Variants in ZBTB7C observed in about 807,000 individuals in gnomAD.
ZBTB7C encodes zinc finger and BTB domain-containing protein 7C.
A neutral mutation model predicts 25.7 loss-of-function variants in ZBTB7C; 8 were observed. That is an observed-to-expected ratio of 0.31 (90% CI 0.18 to 0.56). The LOEUF (loss-of-function observed/expected upper bound fraction) is 0.56. Among genes scored for constraint, ZBTB7C ranks in the 20% least tolerant of loss-of-function variants. The pLI is 0.91. For synonymous variants in ZBTB7C, 394 were observed against 369.0 expected, an observed-to-expected ratio of 1.07 and a Z score of -0.78; for missense variants, 824 against 855.2, an observed-to-expected ratio of 0.96 and a Z score of 0.46.
In ZBTB7C at chr18:48,029,283, A is replaced by T. The variant is rs1433444792; in HGVS notation, c.1837T>A (p.Ser613Thr). ...PGLAGLNHVA[S>T]MSEANN ...GCCTAGTTGTTGGCTTCGGACATGG[A>T]GGCCACGTGGTTGAGGCCGGCGAGC... The change falls in exon 5 of 5, where the codon TCC (serine) becomes ACC (threonine). Residue 613 changes from serine to threonine, a missense_variant. Around this residue, in one of 4 missense-constraint regions of ZBTB7C, gnomAD observed 342 missense variants for 307.0 expected, o/e 1.11. Transcript: ENST00000590800. 6.5e-7 allele frequency: 1 copy of T among 1,537,770 alleles called. No individual in the cohort carries two copies.
chr18:48,306,387 A>G (rs1382993078), intron 2 of ZBTB7C, among the ~76,000 whole-genome samples: 3 of 152,196 alleles, frequency 2.0e-5, no homozygotes, highest in African/African-American at 7.2e-5. Context: ...TATACACAAC[A>G]TCAAATTTAC....
intron 1 of ZBTB7C, among the ~76,000 whole-genome samples, chr18:48,345,592 C>A (rs1302710481): frequency 2.6e-5 from 4 of 152,130 alleles, no homozygotes; most frequent in African/African-American, 9.7e-5. Flanking sequence ...TCAGCATGCT[C>A]CTGGGCGGGT....
chr18:48,373,576 G>A (rs114055948), intron 1 of ZBTB7C, among the ~76,000 whole-genome samples: 2,677 of 152,296 alleles, frequency 0.018, 92 homozygotes, highest in African/African-American at 0.061. Flanking sequence ...AAGTTGTTTG[G>A]ATCATGGGGG....
At chr18:48,084,868 G>C (rs975951337) in intron 3 of ZBTB7C, among the ~76,000 whole-genome samples, 1 of 152,108 alleles carries the variant, frequency 6.6e-6, no homozygotes, top group East Asian at 1.9e-4. Context: ...TCTGTCACCC[G>C]AACCCCTTTG....
intron 2 of ZBTB7C, among the ~76,000 whole-genome samples, chr18:48,311,049 A>AT (rs1305867249): frequency 6.6e-6 from 1 of 152,158 alleles, no homozygotes; most frequent in Non-Finnish European, 1.5e-5. Context: ...AAATGGAGGG[A>AT]TTCCTGGCCC....
At chr18:48,198,476 C>T (rs771558853) in intron 2 of ZBTB7C, among the ~76,000 whole-genome samples, 2 of 152,152 alleles carry the variant, frequency 1.3e-5, no homozygotes, top group Non-Finnish European at 2.9e-5. Flanking sequence ...ACCAAAGTGT[C>T]GGCAGGGTTG....
chr18:48,379,915 A>G (rs1021070367), intron 1 of ZBTB7C, among the ~76,000 whole-genome samples: 1 of 152,144 alleles, frequency 6.6e-6, no homozygotes, highest in African/African-American at 2.4e-5. Context: ...GCATTTAAAC[A>G]ACAATAAAAC....
intron 2 of ZBTB7C, among the ~76,000 whole-genome samples, chr18:48,291,083 T>C (rs559732648): frequency 6.6e-6 from 1 of 152,320 alleles, no homozygotes; most frequent in Non-Finnish European, 1.5e-5. Context: ...ACCTTCTGCT[T>C]TGGGGACATC....
At chr18:48,218,071 A>T (rs1344349645) in intron 2 of ZBTB7C, among the ~76,000 whole-genome samples, 1 of 152,074 alleles carries the variant, frequency 6.6e-6, no homozygotes, top group Non-Finnish European at 1.5e-5. Flanking sequence ...CCCTACCTGC[A>T]CCTGCAAGTC....
In ZBTB7C at chr18:48,152,520, C is replaced by T. The variant is rs546192570; in HGVS notation, c.-17+33414G>A. 2.0e-5 allele frequency among the ~76,000 whole-genome samples: 3 copies of T among 152,322 alleles called. No individual in the cohort carries two copies. The South Asian group carries it at 6.2e-4, about 32-fold the overall frequency. On this transcript the variant is annotated intron_variant, in intron 3 of 4. Coordinates refer to ENST00000590800, the MANE Select transcript of ZBTB7C (RefSeq NM_001318841.2). ...TACATGAATAGAACAAACAAATCTA[C>T]ATTTAACAAATAGGTATCATAAAGA... is the stretch of plus-strand genomic sequence containing the variant.
intron 1 of ZBTB7C, among the ~76,000 whole-genome samples, chr18:48,368,168 G>A (rs1236699936): frequency 1.3e-5 from 2 of 150,074 alleles, no homozygotes; most frequent in African/African-American, 4.9e-5. Flanking sequence ...AGATATTAAA[G>A]TAGGCATCAC....
At chr18:48,308,609 T>G (rs2045737118) in intron 2 of ZBTB7C, among the ~76,000 whole-genome samples, 2 of 152,190 alleles carry the variant, frequency 1.3e-5, no homozygotes, top group Non-Finnish European at 2.9e-5. Context: ...TAGTCAGATG[T>G]TTAAGATGTC....
intron 2 of ZBTB7C, among the ~76,000 whole-genome samples, chr18:48,330,901 T>A (rs988216390): frequency 1.3e-5 from 2 of 152,076 alleles, no homozygotes; most frequent in African/African-American, 4.8e-5. Context: ...AGCTGCAGAA[T>A]GTGGGCGTGC....
intron 3 of ZBTB7C, among the ~76,000 whole-genome samples, chr18:48,140,487 C>G (rs1217184124): frequency 6.6e-6 from 1 of 152,168 alleles, no homozygotes; most frequent in African/African-American, 2.4e-5. Context: ...CACACTGCAT[C>G]TTTGTGACTC....
At chr18:48,280,149 A>G (rs2044792145) in intron 2 of ZBTB7C, among the ~76,000 whole-genome samples, 1 of 152,160 alleles carries the variant, frequency 6.6e-6, no homozygotes, top group African/African-American at 2.4e-5. Flanking sequence ...GCCAAGGAGC[A>G]TGTATTGGAG....
chr18:48,047,094 C>T (rs564499827), intron 3 of ZBTB7C, among the ~76,000 whole-genome samples: 65 of 152,210 alleles, frequency 4.3e-4, no homozygotes, highest in African/African-American at 1.5e-3. Flanking sequence ...GGGTGAGCTG[C>T]GGTCAGGAGG....
intron 2 of ZBTB7C, among the ~76,000 whole-genome samples, chr18:48,220,957 G>A (rs2042935297): frequency 2.6e-5 from 4 of 151,484 alleles, no homozygotes. Flanking sequence ...ACTGTTCTTA[G>A]TCTCCCTCTA....
rs1032534660 is a variant in ZBTB7C at position 48,346,047 on chromosome 18, T to G, written c.-303-7649A>C. On this transcript the variant is annotated intron_variant, in intron 1 of 4. Transcript: ENST00000590800. ...ACTGAACAACTGAACATTGCCCCAC[T>G]AAGCAACAAAATGTGTTTGATTTTT... Among the ~76,000 whole-genome samples the G allele has an allele frequency of 2.6e-5, 4 of 152,224 alleles. No homozygotes were observed. The East Asian group carries it at 7.7e-4, about 29-fold the overall frequency.
At chr18:48,087,566 T>C (rs1389265883) in intron 3 of ZBTB7C, 1 of 151,966 alleles carries the variant, frequency 6.6e-6, no homozygotes, top group Admixed American at 6.6e-5. Flanking sequence ...GGAAAAATCC[T>C]CCAAAGCTAG....
Sources: gnomAD v4.1 joint callset for allele counts (sites outside exome capture counted in the v4.1 genomes callset) on GRCh38, gnomAD v4.1.1 for gene constraint, gnomAD v4.1.1 regional missense constraint, MANE v1.5 for transcripts, NCBI Gene and HGNC (gene_info 2026-07-23, HGNC 2026-07-21) for gene names.